KCNG2: variants seen among roughly 807,000 people sequenced by gnomAD.
KCNG2 encodes the protein potassium voltage-gated channel modifier subfamily G member 2.
In KCNG2, 7 loss-of-function variants were observed where a neutral mutation model predicts 12.3. The ratio of observed to expected loss-of-function variants is 0.57; its 90% CI spans 0.32 to 1.07. KCNG2 has a LOEUF of 1.07. Among genes scored for constraint, KCNG2 ranks in the 50% least tolerant of loss-of-function variants. The pLI is 0.04. For synonymous variants in KCNG2, 414 were observed against 351.4 expected (o/e 1.18, Z -1.99); for missense variants, 703 against 726.0 (o/e 0.97, Z 0.36).
Position 79,884,868 on chromosome 18 carries a change from G to A in KCNG2, c.625-14172G>A, listed in dbSNP as rs1027633219. On this transcript the variant is annotated intron_variant, in intron 3 of 3. Transcript: ENST00000316249. The surrounding 1 kb of genome is among the most constrained non-coding windows in gnomAD (Gnocchi z 5.5). ...CATTCACAGAAACACAGTAGCGTGC[G>A]CGGGTCGGTGATGCAGCCAAGACAC... Among the ~76,000 whole-genome samples, 2 of 152,166 alleles carry A rather than the reference G, an allele frequency of 1.3e-5. No individual in the cohort carries two copies. Among genetic ancestry groups the A allele is most frequent in the East Asian group, 1.9e-4 (1 of 5,186 alleles).
At chr18:79,833,187 G>T (rs147926265) in intron 1 of KCNG2, among the ~76,000 whole-genome samples, 124 of 152,164 alleles carry the variant, frequency 8.1e-4, no homozygotes, top group African/African-American at 2.7e-3. Context: ...CCAGGCTGGG[G>T]TGCAGTGGTG....
Position 79,864,130 on chromosome 18 carries a change from C to A in KCNG2, c.463C>A (p.Arg155=), listed in dbSNP as rs748144545. 3.7e-5 allele frequency: 48 copies of A among 1,298,616 alleles called. No homozygotes were observed. The Middle Eastern group carries it at 1.6e-3, about 42-fold the overall frequency. 80.4% of individuals were successfully genotyped at this position (1,298,616 alleles called of 1,614,324 possible). A position where few individuals can be genotyped will look rare whatever the true frequency, so the allele number is the denominator to read the frequency against. Reference sequence around the variant, plus strand: ...GGCGCGCGCCCTGGGACCTCGGGGGCGGCTGCAGCGCGGCCGGCGGCGCCT... The same window carrying A: ...GGCGCGCGCCCTGGGACCTCGGGGGAGGCTGCAGCGCGGCCGGCGGCGCCT... The part of the protein sequence containing the change: ...SPARALGPRG[R]LQRGRRRLRD... Residue 155 remains arginine, a synonymous_variant, in exon 3 of 4, where the codon CGG becomes AGG. Transcript: ENST00000316249.
chr18:79,879,691 G>A (rs891214957), intron 3 of KCNG2, among the ~76,000 whole-genome samples: 3 of 152,222 alleles, frequency 2.0e-5, no homozygotes, highest in Non-Finnish European at 4.4e-5. Flanking sequence ...AGGCGAGAAT[G>A]AGAAAGGGTG....
intron 1 of KCNG2, among the ~76,000 whole-genome samples, chr18:79,801,501 A>G (rs1227809167): frequency 6.6e-6 from 1 of 152,228 alleles, no homozygotes; most frequent in Admixed American, 6.5e-5. Flanking sequence ...GAGGGGACGC[A>G]CATGCTGGGC....
intron 3 of KCNG2, among the ~76,000 whole-genome samples, chr18:79,869,168 G>A (rs544794781): frequency 4.9e-4 from 75 of 152,254 alleles, no homozygotes; most frequent in Middle Eastern, 3.4e-3. Flanking sequence ...TGGATACCTC[G>A]GAGAATGAGG....
chr18:79,827,659 C>G lies in KCNG2; in HGVS notation c.-114-28720C>G, dbSNP rs377699896. 7.9e-5 allele frequency among the ~76,000 whole-genome samples: 12 copies of G among 152,182 alleles called. No individual in the cohort carries two copies. The South Asian group carries it at 1.9e-3, about 24-fold the overall frequency. Reference sequence around the variant, plus strand: ...AGAAGAGCGGGGACTCAGCCTCCCCCCTGGATTTCGCTTCTTCTGAATGCA... The same window carrying G: ...AGAAGAGCGGGGACTCAGCCTCCCCGCTGGATTTCGCTTCTTCTGAATGCA... On this transcript the variant is annotated intron_variant, in intron 1 of 3. Transcript: ENST00000316249.
Position 79,863,915 on chromosome 18 carries a change from C to A in KCNG2, c.248C>A (p.Ala83Glu). The part of the protein sequence containing the change: ...RSPCAFRAIV[A>E]LLRAGKLRLL... The stretch of plus-strand genomic sequence containing the variant: ...CCGTGCGCCTTCCGCGCCATCGTGG[C>A]GCTTTTGCGCGCAGGGAAGCTGCGA... The change falls in exon 3 of 4, where the codon GCG becomes GAG. Residue 83 changes from alanine to glutamate, a missense_variant. Ala to Glu is a moderately radical substitution (Grantham distance 107). Coordinates refer to ENST00000316249, the MANE Select transcript of KCNG2 (RefSeq NM_012283.2). 4.3e-6 allele frequency: 6 copies of A among 1,391,998 alleles called. No homozygotes were observed. The South Asian group carries it at 4.6e-5, about 11-fold the overall frequency. 86.2% of individuals were successfully genotyped at this position (1,391,998 alleles called of 1,614,324 possible). A position where few individuals can be genotyped will look rare whatever the true frequency, so the allele number is the denominator to read the frequency against.
At chr18:79,804,859 A>T (rs1325545613) in intron 1 of KCNG2, among the ~76,000 whole-genome samples, 1 of 152,258 alleles carries the variant, frequency 6.6e-6, no homozygotes, top group East Asian at 1.9e-4. Context: ...AATTACTTTT[A>T]AAAAATCTTG....
Position 79,863,810 on chromosome 18 carries a change from C to T in KCNG2, c.143C>T (p.Ala48Val). ...CTCGCGCGCCTGGAGCGCCTGCGCG[C>T]CTGCCGCGGCCACGACGACCTGCTG... ...CPLARLERLR[A>V]CRGHDDLLRV... Residue 48 changes from alanine (A) to valine (V), a missense_variant, in exon 3 of 4, where the codon GCC becomes GTC. Ala to Val is a moderately conservative substitution (Grantham distance 64). Coordinates refer to ENST00000316249, the MANE Select transcript of KCNG2 (RefSeq NM_012283.2). 2.2e-6 allele frequency: 3 copies of T among 1,340,574 alleles called. No individual in the cohort carries two copies. The highest frequency in any genetic ancestry group is 2.9e-6 in the Non-Finnish European group (3 of 1,040,388). The allele number at this position is 1,340,574 out of a possible 1,614,324, so 83.0% of individuals were successfully genotyped here.
intron 3 of KCNG2, among the ~76,000 whole-genome samples, chr18:79,867,303 C>T (rs1026110800): frequency 6.6e-6 from 1 of 151,946 alleles, no homozygotes; most frequent in Non-Finnish European, 1.5e-5. Flanking sequence ...AAGGCCTGGG[C>T]AGAAGTGTGT....
At chr18:79,885,346 G>A (rs181772664) in intron 3 of KCNG2, among the ~76,000 whole-genome samples, 5 of 152,336 alleles carry the variant, frequency 3.3e-5, no homozygotes, top group East Asian at 1.9e-4. Flanking sequence ...AGTAGACCAG[G>A]TGCATCAAAT....
intron 3 of KCNG2, among the ~76,000 whole-genome samples, chr18:79,873,831 C>T (rs1404797988): frequency 6.6e-6 from 1 of 152,218 alleles, no homozygotes; most frequent in Non-Finnish European, 1.5e-5. Flanking sequence ...GTGGATTTAG[C>T]CCAAAGAAGG....
chr18:79,823,234 C>T (rs572883323), intron 1 of KCNG2, among the ~76,000 whole-genome samples: 2 of 152,336 alleles, frequency 1.3e-5, no homozygotes, highest in African/African-American at 4.8e-5. Context: ...TGTAGACACC[C>T]GCGTTTACTC....
chr18:79,841,577 A>G (rs1274396917), intron 1 of KCNG2, among the ~76,000 whole-genome samples: 3 of 152,230 alleles, frequency 2.0e-5, no homozygotes, highest in Admixed American at 1.3e-4. Context: ...CAATCCAAAT[A>G]GAAAATGAGC....
At chr18:79,812,567 T>C (rs531564255) in intron 1 of KCNG2, among the ~76,000 whole-genome samples, 1 of 152,016 alleles carries the variant, frequency 6.6e-6, no homozygotes, top group African/African-American at 2.4e-5. Flanking sequence ...AAAAGAAAAC[T>C]AGAAAACTAT....
intron 1 of KCNG2, among the ~76,000 whole-genome samples, chr18:79,798,249 C>G (rs936032666): frequency 6.6e-6 from 1 of 151,908 alleles, no homozygotes; most frequent in East Asian, 1.9e-4. Flanking sequence ...GGTGCCTCCC[C>G]CTCCCGCTCA....
chr18:79,813,069 C>T (rs564427438), intron 1 of KCNG2, among the ~76,000 whole-genome samples: 4 of 152,264 alleles, frequency 2.6e-5, no homozygotes, highest in South Asian at 4.1e-4. Flanking sequence ...GCAGGAGAAT[C>T]GCTTGAACCC....
chr18:79,874,590 A>G (rs1471816105), intron 3 of KCNG2, among the ~76,000 whole-genome samples: 4 of 152,332 alleles, frequency 2.6e-5, no homozygotes, highest in African/African-American at 9.6e-5. Context: ...CCCAGAATTG[A>G]TTCTCTCCTA....
intron 1 of KCNG2, among the ~76,000 whole-genome samples, chr18:79,835,289 A>C (rs964844163): frequency 2.6e-5 from 4 of 152,232 alleles, no homozygotes; most frequent in Non-Finnish European, 4.4e-5. Flanking sequence ...ATCAGCCCTC[A>C]TACCAAGAGC....
Sources: gnomAD v4.1 joint callset for allele counts (sites outside exome capture counted in the v4.1 genomes callset) on GRCh38, gnomAD v4.1.1 for gene constraint, Gnocchi (gnomAD v3.1) non-coding constraint, MANE v1.5 for transcripts, NCBI Gene and HGNC (gene_info 2026-07-23, HGNC 2026-07-21) for gene names.